Variants in PLCG1 observed in about 807,000 individuals in gnomAD.
PLCG1 encodes the protein phospholipase C gamma 1, also known as 1-phosphatidylinositol 4,5-bisphosphate phosphodiesterase gamma-1.
PLCG1 carries 71 observed loss-of-function variants against 177.8 expected under a neutral mutation model. The ratio of observed to expected loss-of-function variants is 0.40; its 90% CI spans 0.33 to 0.49. The LOEUF is 0.49. Ranked by LOEUF, PLCG1 falls within the 20% of genes least tolerant of loss-of-function variation. PLCG1 has a pLI of 0.72. For missense variants in PLCG1, 1,281 were observed against 1,709.0 expected (o/e 0.75, Z 4.42); for synonymous variants, 658 against 647.9 (o/e 1.02, Z -0.24).
In PLCG1 at chr20:41,157,367, C is replaced by G. The variant is rs554439551; in HGVS notation, c.218-2239C>G. On this transcript the variant is annotated intron_variant, in intron 1 of 31. Transcript: ENST00000685551. This position sits in a 1 kb window ranked among gnomAD's most constrained non-coding sequence, Gnocchi z 5.4. ...GTTGTTCTGCAGTTTCTGATCTAGC[C>G]ATTTCCCCTGATGGAAGCTCCTCCT... Among the ~76,000 whole-genome samples the G allele has an allele frequency of 6.6e-6, 1 of 152,088 alleles. No individual in the cohort carries two copies. Among genetic ancestry groups the G allele is most frequent in the South Asian group, 2.1e-4 (1 of 4,794 alleles).
intron 1 of PLCG1, among the ~76,000 whole-genome samples, chr20:41,154,780 C>G (rs2035267439): frequency 6.6e-6 from 1 of 152,214 alleles, no homozygotes; most frequent in Non-Finnish European, 1.5e-5. Flanking sequence ...CCCTCTCTCC[C>G]CACTCAGTGG....
In PLCG1 at chr20:41,166,063, TGAGCTCCTCAGGAGA is replaced by T; in HGVS notation, c.1800-130_1800-116del. The T allele has an allele frequency of 1.8e-5, 12 of 651,166 alleles. No individual in the cohort carries two copies. Among genetic ancestry groups the T allele is most frequent in the Middle Eastern group, 3.4e-4 (1 of 2,910 alleles). The allele number at this position is 651,166 out of a possible 1,614,324, so 40.3% of individuals were successfully genotyped here. A position where few individuals can be genotyped will look rare whatever the true frequency, so the allele number is the denominator to read the frequency against. ...TTTGGTTCATGTGACTGCCCACACC[TGAGCTCCTCAGGAGA>T]TTGGCCTCCCTCCTTGAGGCTCCCT... On this transcript the variant is annotated intron_variant, in intron 16 of 31. Transcript: ENST00000685551. This position sits in a 1 kb window ranked among gnomAD's most constrained non-coding sequence, Gnocchi z 8.6.
At chr20:41,154,857 G>T (rs992177522) in intron 1 of PLCG1, among the ~76,000 whole-genome samples, 6 of 152,236 alleles carry the variant, frequency 3.9e-5, no homozygotes, top group Non-Finnish European at 8.8e-5. Context: ...GGCCCTGAGG[G>T]TTGTATAGCT....
At position 41,146,263 on chromosome 20, in the gene PLCG1, T is replaced by C. The variant is rs2034992421; in HGVS notation, c.217+8405T>C. On this transcript the variant is annotated intron_variant, in intron 1 of 31. Transcript: ENST00000685551. The surrounding 1 kb of genome is among the most constrained non-coding windows in gnomAD (Gnocchi z 6.3). The stretch of plus-strand genomic sequence containing the variant: ...GACCCAGTCCTTGATCCTGAGAAGC[T>C]TGTGATCTGGACCATGCAGAAAACC... Among the ~76,000 whole-genome samples the C allele has an allele frequency of 6.6e-6, 1 of 152,218 alleles. No individual in the cohort carries two copies. The highest frequency in any genetic ancestry group is 2.1e-4 in the South Asian group (1 of 4,832).
At position 41,148,001 on chromosome 20, in the gene PLCG1, G is replaced by A. The variant is rs1321316882; in HGVS notation, c.217+10143G>A. Among the ~76,000 whole-genome samples the A allele has an allele frequency of 6.6e-6, 1 of 152,146 alleles. No individual in the cohort carries two copies. Among genetic ancestry groups the A allele is most frequent in the Non-Finnish European group, 1.5e-5 (1 of 68,030 alleles). On this transcript the variant is annotated intron_variant, in intron 1 of 31. Transcript: ENST00000685551. The surrounding 1 kb of genome is among the most constrained non-coding windows in gnomAD (Gnocchi z 4.3). ...GGGAACAGGAGAGTGGCTTGGCTTG[G>A]GCTGGCATGGCGCAAAGGGAGTGCA... is the stretch of plus-strand genomic sequence containing the variant.
At chr20:41,170,984 G>C (rs532174063) in intron 24 of PLCG1, 2 of 152,642 alleles carry the variant, frequency 1.3e-5, no homozygotes, top group East Asian at 3.9e-4. Context: ...AGCGAGCAGC[G>C]TGTGGGAGGA....
In PLCG1 at chr20:41,157,636, A is replaced by G. The variant is rs1363414048; in HGVS notation, c.218-1970A>G. On this transcript the variant is annotated intron_variant, in intron 1 of 31. Coordinates refer to ENST00000685551, the MANE Select transcript of PLCG1 (RefSeq NM_002660.3). The surrounding 1 kb of genome is among the most constrained non-coding windows in gnomAD (Gnocchi z 5.4). ...TTTGTATGCACGAGGCATCAAGTGT[A>G]TTAGTACCACAGGAAGGAGCTTCTC... Among the ~76,000 whole-genome samples, 2 of 152,168 alleles carry G rather than the reference A, an allele frequency of 1.3e-5. No homozygotes were observed. Among genetic ancestry groups the G allele is most frequent in the Non-Finnish European group, 2.9e-5 (2 of 68,036 alleles).
chr20:41,154,390 GC>G lies in PLCG1; in HGVS notation c.218-5211del, dbSNP rs1199758783. Among the ~76,000 whole-genome samples the G allele has an allele frequency of 3.9e-5, 6 of 152,198 alleles. No homozygotes were observed. The East Asian group carries it at 5.8e-4, about 15-fold the overall frequency. ...CCCTTCTAGGGCCTGCCATGTGTCT[GC>G]CCCCTAGGGCAGGATTGGCTGGCTC... is the stretch of plus-strand genomic sequence containing the variant. On this transcript the variant is annotated intron_variant, in intron 1 of 31. Transcript: ENST00000685551.
Position 41,174,231 on chromosome 20 carries a change from A to G in PLCG1, c.3753A>G (p.Glu1251=), listed in dbSNP as rs774266312. The G allele has an allele frequency of 2.5e-6, 4 of 1,614,106 alleles. No homozygotes were observed. The highest frequency in any genetic ancestry group is 3.4e-6 in the Non-Finnish European group (4 of 1,180,028). The change falls in exon 31 of 32, where the codon GAA becomes GAG. Residue 1251 remains glutamate (E), a synonymous_variant. Coordinates refer to ENST00000685551, the MANE Select transcript of PLCG1 (RefSeq NM_002660.3). The surrounding 1 kb of genome is among the most constrained non-coding windows in gnomAD (Gnocchi z 5.8). ...FHGRAREGSF[E]SRYQQPFEDF... ...GCCGAGCCCGGGAAGGCTCCTTTGA[A>G]TCCCGCTACCAGCAGCCGTTTGAGG...
chr20:41,163,401 C>T lies in PLCG1; in HGVS notation c.813C>T (p.Leu271=), dbSNP rs1391405789. ...AGGAGCTGTGGGCTGTTGATCGCCT[C>T]CAGGTGCAGGAGTTCATGCTCAGCT... ...YQGELWAVDR[L]QVQEFMLSFL... is the part of the protein sequence containing the mutation. The change falls in exon 9 of 32, where the codon CTC becomes CTT. Residue 271 remains leucine, a synonymous_variant. Coordinates refer to ENST00000685551, the MANE Select transcript of PLCG1 (RefSeq NM_002660.3). The surrounding 1 kb of genome is among the most constrained non-coding windows in gnomAD (Gnocchi z 5.2). 6.2e-7 allele frequency: 1 copy of T among 1,613,308 alleles called. No homozygotes were observed. Among genetic ancestry groups the T allele is most frequent in the South Asian group, 1.1e-5 (1 of 91,050 alleles).
rs377619188 is a variant in PLCG1 at position 41,145,181 on chromosome 20, C to G, written c.217+7323C>G. 5.0e-4 allele frequency among the ~76,000 whole-genome samples: 76 copies of G among 152,316 alleles called. 1 individual carries two copies. Among genetic ancestry groups the G allele is most frequent in the East Asian group, 4.6e-3 (24 of 5,186 alleles). ...TGGCAACAAGGAAGGTTAATTTCCC[C>G]TGTTTGCTATGTGTGCTAACCTACA... On this transcript the variant is annotated intron_variant, in intron 1 of 31. Coordinates refer to ENST00000685551, the MANE Select transcript of PLCG1 (RefSeq NM_002660.3).
In PLCG1 at chr20:41,162,820, G is replaced by T. The variant is rs866808886; in HGVS notation, c.681+95G>T. 31 of 1,358,238 alleles carry T rather than the reference G, an allele frequency of 2.3e-5. No homozygotes were observed. In the Middle Eastern group the frequency reaches 1.7e-3, roughly 73 times the overall value. 84.1% of individuals were successfully genotyped at this position (1,358,238 alleles called of 1,614,324 possible). A position where few individuals can be genotyped will look rare whatever the true frequency, so the allele number is the denominator to read the frequency against. ...CCTCAGCCCTGCTGCCCTGCTTAGGGGCTTTTGGGTGCCATTTCTCCAGTT... is the reference window on the plus strand; with the variant it reads ...CCTCAGCCCTGCTGCCCTGCTTAGGTGCTTTTGGGTGCCATTTCTCCAGTT... On this transcript the variant is annotated intron_variant, in intron 6 of 31. Transcript: ENST00000685551.
Position 41,165,197 on chromosome 20 carries a change from G to C in PLCG1, c.1387-48G>C. The C allele has an allele frequency of 1.2e-6, 2 of 1,609,280 alleles. No individual in the cohort carries two copies. Among genetic ancestry groups the C allele is most frequent in the South Asian group, 1.1e-5 (1 of 90,452 alleles). ...TGGGCCTAAACCTGGGTGAGGAGGT[G>C]GGGTGAGGACTGGGGTCTGCATTGC... On this transcript the variant is annotated intron_variant, in intron 13 of 31. Coordinates refer to ENST00000685551, the MANE Select transcript of PLCG1 (RefSeq NM_002660.3). This position sits in a 1 kb window ranked among gnomAD's most constrained non-coding sequence, Gnocchi z 6.6.
chr20:41,168,394 G>T (rs1331601218), intron 20 of PLCG1, among the ~76,000 whole-genome samples: 1 of 152,212 alleles, frequency 6.6e-6, no homozygotes, highest in Non-Finnish European at 1.5e-5. Flanking sequence ...TCCCATCCAG[G>T]CCCCATATGC....
Position 41,174,588 on chromosome 20 carries a change from C to A in PLCG1, c.*79C>A. 1 of 1,313,744 alleles carries A rather than the reference C, an allele frequency of 7.6e-7. No homozygotes were observed. Among genetic ancestry groups the A allele is most frequent in the Non-Finnish European group, 1.1e-6 (1 of 931,656 alleles). The allele number at this position is 1,313,744 out of a possible 1,614,324, so 81.4% of individuals were successfully genotyped here. On this transcript the variant is annotated 3_prime_UTR_variant, in exon 32 of 32. Transcript: ENST00000685551. The surrounding 1 kb of genome is among the most constrained non-coding windows in gnomAD (Gnocchi z 5.8). ...CGCGAACTGGGTTCTTTGGAAGCAGCCCCCTGTGGCGGCCTTCCGGGTCTC... is the reference window on the plus strand; with the variant it reads ...CGCGAACTGGGTTCTTTGGAAGCAGACCCCTGTGGCGGCCTTCCGGGTCTC...
chr20:41,170,337 C>G, intron 24 of PLCG1, 68 bp downstream of exon 24: 1 of 1,558,784 alleles, frequency 6.4e-7, no homozygotes, highest in Non-Finnish European at 8.8e-7. Flanking sequence ...GCCTCCAGCT[C>G]CCAGCACAGG....
At chr20:41,170,059 GTGGAGGGGGT>G in intron 23 of PLCG1, 43 bp from the exon 24 acceptor site, 1 of 1,519,662 alleles carries the variant, frequency 6.6e-7, no homozygotes, top group Non-Finnish European at 9.0e-7. Context: ...GTGGAGTGGG[GTGGAGGGGGT>G]GAGATGTCTA....
intron 1 of PLCG1, among the ~76,000 whole-genome samples, chr20:41,138,189 G>C (rs990675789): frequency 3.9e-5 from 6 of 152,158 alleles, no homozygotes; most frequent in African/African-American, 1.4e-4. Context: ...TGGCGGCGTC[G>C]GCGAGGGGAG....
rs2035971864 is a variant in PLCG1 at position 41,173,599 on chromosome 20, T to G, written c.3395-53T>G. 6.2e-7 allele frequency: 1 copy of G among 1,613,932 alleles called. No individual in the cohort carries two copies. The highest frequency in any genetic ancestry group is 8.5e-7 in the Non-Finnish European group (1 of 1,180,002). On this transcript the variant is annotated intron_variant, in intron 28 of 31. Coordinates refer to ENST00000685551, the MANE Select transcript of PLCG1 (RefSeq NM_002660.3). This position sits in a 1 kb window ranked among gnomAD's most constrained non-coding sequence, Gnocchi z 6.2. ...GGCACTGCAAGCCTCTCCCCACCAG[T>G]CATCCCATCCTCTCCCACGGTGACC...
Sources: allele counts gnomAD v4.1 joint callset (sites outside exome capture counted in the v4.1 genomes callset), GRCh38; gene constraint gnomAD v4.1.1; non-coding constraint Gnocchi (gnomAD v3.1); transcripts MANE v1.5; gene names NCBI Gene and HGNC (gene_info 2026-07-23, HGNC 2026-07-21).